The following ZNF654 variants were observed in gnomAD, a reference collection of about 807,000 sequenced individuals.
ZNF654 encodes zinc finger protein 654, also known as melanoma-associated antigen.
A neutral mutation model predicts 95.3 loss-of-function variants in ZNF654; 19 were observed. That is an observed-to-expected ratio of 0.20 (90% CI 0.14 to 0.29). The LOEUF (loss-of-function observed/expected upper bound fraction) is 0.29, where lower values mean the gene tolerates loss of function less well. ZNF654 is among the 10% of genes least tolerant of loss of function. The pLI is 1.00. For synonymous variants in ZNF654, 413 were observed against 457.9 expected (o/e 0.90, Z 1.25); for missense variants, 1,046 against 1,341.0 (o/e 0.78, Z 3.44).
At chr3:88,084,087 T>G (rs1414586042) in intron 1 of ZNF654, among the ~76,000 whole-genome samples, 2 of 152,192 alleles carry the variant, frequency 1.3e-5, no homozygotes, top group Non-Finnish European at 2.9e-5. Context: ...TATGTCCCTT[T>G]CAGGGTATTG....
At chr3:88,106,801 A>G (rs1704768478) in intron 2 of ZNF654, among the ~76,000 whole-genome samples, 1 of 152,158 alleles carries the variant, frequency 6.6e-6, no homozygotes, top group Non-Finnish European at 1.5e-5. Flanking sequence ...ACCAAGTTAT[A>G]TGAGGATTTT....
In ZNF654 at chr3:88,106,540, G is replaced by A. The variant is rs191468074; in HGVS notation, c.333-6575G>A. ...TTTTTGTAGAGACAAGGTTTCGTTC[G>A]CCATGTTGGCCAGGCTGGTCTCAAA... is the stretch of plus-strand genomic sequence containing the variant. On this transcript the variant is annotated intron_variant, in intron 2 of 8. Coordinates refer to ENST00000636215, the MANE Select transcript of ZNF654 (RefSeq NM_001350134.2). 3.9e-5 allele frequency among the ~76,000 whole-genome samples: 6 copies of A among 152,034 alleles called. No individual in the cohort carries two copies. The East Asian group carries it at 7.8e-4, about 20-fold the overall frequency.
intron 2 of ZNF654, among the ~76,000 whole-genome samples, chr3:88,086,910 G>C (rs1014008845): frequency 6.6e-6 from 1 of 151,890 alleles, no homozygotes; most frequent in Non-Finnish European, 1.5e-5. Context: ...AGCCTCCCAA[G>C]TAGCTGGGAC....
intron 7 of ZNF654, among the ~76,000 whole-genome samples, chr3:88,135,947 A>G (rs1370902366): frequency 6.6e-6 from 1 of 152,122 alleles, no homozygotes; most frequent in African/African-American, 2.4e-5. Flanking sequence ...TTATGTATTT[A>G]TGCATTTATT....
intron 2 of ZNF654, among the ~76,000 whole-genome samples, chr3:88,094,074 C>A (rs1703906963): frequency 6.7e-6 from 1 of 150,204 alleles, no homozygotes; most frequent in Admixed American, 6.7e-5. Flanking sequence ...CGTTCTATTT[C>A]TTTGTCTTCT....
rs1467647432 is a variant in ZNF654, at chr3:88,078,434, A to T, written c.187-7823A>T. The stretch of plus-strand genomic sequence containing the variant: ...TTTAAATAAGTTTAAATCTCATCCC[A>T]GGATACTGGGGTAGGGGGTGGGACA... On this transcript the variant is annotated intron_variant, in intron 1 of 8. Coordinates refer to ENST00000636215, the MANE Select transcript of ZNF654 (RefSeq NM_001350134.2). 2.6e-5 allele frequency among the ~76,000 whole-genome samples: 4 copies of T among 152,270 alleles called. No homozygotes were observed. In the East Asian group the frequency reaches 7.7e-4, roughly 29 times the overall value.
chr3:88,102,029 T>G (rs747813400), intron 2 of ZNF654, among the ~76,000 whole-genome samples: 2 of 152,198 alleles, frequency 1.3e-5, no homozygotes, highest in Admixed American at 6.6e-5. Flanking sequence ...CTAAGAATTC[T>G]TTATGTATTC....
intron 7 of ZNF654, among the ~76,000 whole-genome samples, chr3:88,137,773 C>T (rs1706886506): frequency 6.6e-6 from 1 of 152,008 alleles, no homozygotes; most frequent in African/African-American, 2.4e-5. Flanking sequence ...TAAAGTCTGC[C>T]TGTGGGAACT....
intron 2 of ZNF654, 61 bp from the exon 3 acceptor site, chr3:88,113,054 A>T (rs1372183924): frequency 8.5e-7 from 1 of 1,181,984 alleles, no homozygotes; most frequent in African/African-American, 1.6e-5. Context: ...ACTGTTTGAT[A>T]ATCTTTTAAT....
At chr3:88,132,839 T>C (rs1706546170) in intron 6 of ZNF654, among the ~76,000 whole-genome samples, 1 of 152,184 alleles carries the variant, frequency 6.6e-6, no homozygotes, top group South Asian at 2.1e-4. Context: ...GTCATACAGC[T>C]AGTAAGAAAT....
At chr3:88,099,538 A>G (rs1704276958) in intron 2 of ZNF654, among the ~76,000 whole-genome samples, 1 of 128,856 alleles carries the variant, frequency 7.8e-6, no homozygotes, top group Admixed American at 8.6e-5. Context: ...AAGCCAAAGA[A>G]CAAAGCTGGA....
chr3:88,129,694 T>C lies in ZNF654; in HGVS notation c.761T>C (p.Leu254Ser), dbSNP rs1576338604. Reference sequence around the variant, plus strand: ...TCTCTTTTCCTCTTACAGCATTTATTGAAAACTGATTGTAAGAGTGGAATT... The same window carrying C: ...TCTCTTTTCCTCTTACAGCATTTATCGAAAACTGATTGTAAGAGTGGAATT... ...VEDQLFREHL[L>S]KTDCKSGIDI... Residue 254 changes from leucine to serine, a missense_variant, in exon 6 of 9, where the codon TTG becomes TCG. Physicochemically the swap from Leu to Ser is moderately radical, Grantham distance 145. Around this residue, in one of 9 missense-constraint regions of ZNF654, gnomAD observed 121 missense variants for 141.7 expected, o/e 0.85. Coordinates refer to ENST00000636215, the MANE Select transcript of ZNF654 (RefSeq NM_001350134.2). 2 of 1,487,646 alleles carry C rather than the reference T, an allele frequency of 1.3e-6. No individual in the cohort carries two copies. The highest frequency in any genetic ancestry group is 5.0e-5 in the East Asian group (2 of 40,350). The allele number at this position is 1,487,646 out of a possible 1,614,324, so 92.2% of individuals were successfully genotyped here. A position where few individuals can be genotyped will look rare whatever the true frequency, so the allele number is the denominator to read the frequency against.
intron 1 of ZNF654, among the ~76,000 whole-genome samples, chr3:88,078,125 TTGTTAAACTAGTTAG>T (rs1707910555): frequency 6.6e-6 from 1 of 152,218 alleles, no homozygotes; most frequent in Admixed American, 6.5e-5. Flanking sequence ...ACTGATTTCT[TTGTTAAACTAGTTAG>T]TAGGGTTTTG....
At position 88,139,506 on chromosome 3, in the gene ZNF654, G is replaced by A. The variant is rs1343651816; in HGVS notation, c.1837G>A (p.Val613Ile). ...IAAAQQDDQEVTALEEINCSS... is the reference protein window; with the variant it reads ...IAAAQQDDQEITALEEINCSS... The stretch of plus-strand genomic sequence containing the variant: ...TGCAGCTCAACAGGATGATCAGGAA[G>A]TCACTGCTTTGGAAGAAATAAATTG... Residue 613 changes from valine (V) to isoleucine (I), a missense_variant, in exon 8 of 9, where the codon GTC (valine) becomes ATC (isoleucine). By Grantham distance (29) the Val-to-Ile change is conservative. Around this residue, in one of 9 missense-constraint regions of ZNF654, gnomAD observed 495 missense variants for 537.0 expected, o/e 0.92. Transcript: ENST00000636215. The A allele has an allele frequency of 3.7e-6, 6 of 1,613,542 alleles. No homozygotes were observed. Among genetic ancestry groups the A allele is most frequent in the Admixed American group, 1.7e-5 (1 of 59,956 alleles).
chr3:88,060,749 A>G (rs1276742839), intron 1 of ZNF654, among the ~76,000 whole-genome samples: 1 of 152,208 alleles, frequency 6.6e-6, no homozygotes, highest in Middle Eastern at 3.4e-3. Flanking sequence ...GTTTGCTGAC[A>G]TTTCTTTCAA....
chr3:88,062,700 G>A (rs1420797975), intron 1 of ZNF654, among the ~76,000 whole-genome samples: 1 of 152,104 alleles, frequency 6.6e-6, no homozygotes, highest in Non-Finnish European at 1.5e-5. Flanking sequence ...AGGATTTCTG[G>A]AACCACTTTG....
At chr3:88,078,231 T>A (rs997178431) in intron 1 of ZNF654, among the ~76,000 whole-genome samples, 12 of 152,200 alleles carry the variant, frequency 7.9e-5, no homozygotes, top group African/African-American at 2.2e-4. Context: ...GTTCATTATC[T>A]TCTATTAAAT....
In ZNF654 at chr3:88,142,548, T is replaced by C. The variant is rs1049468378; in HGVS notation, c.*896T>C. ...ACTGGGATACTTCTGTTTGTGTATA[T>C]GTTGGGACATTGCTTGATGATTCAT... On this transcript the variant is annotated 3_prime_UTR_variant, in exon 9 of 9. Transcript: ENST00000636215. The C allele has an allele frequency of 2.6e-5, 4 of 152,020 alleles. No individual in the cohort carries two copies. The highest frequency in any genetic ancestry group is 9.7e-5 in the African/African-American group (4 of 41,108). The allele number at this position is 152,020 out of a possible 1,614,324, so 9.4% of individuals were successfully genotyped here. A position where few individuals can be genotyped will look rare whatever the true frequency, so the allele number is the denominator to read the frequency against.
In ZNF654 at chr3:88,141,099, A is replaced by C. The variant is rs568023384; in HGVS notation, c.3379+51A>C. 2.0e-6 allele frequency: 3 copies of C among 1,524,774 alleles called. No individual in the cohort carries two copies. The East Asian group carries it at 6.8e-5, about 34-fold the overall frequency. The allele number at this position is 1,524,774 out of a possible 1,614,324, so 94.5% of individuals were successfully genotyped here. A position where few individuals can be genotyped will look rare whatever the true frequency, so the allele number is the denominator to read the frequency against. On this transcript the variant is annotated intron_variant, in intron 8 of 8. Transcript: ENST00000636215. ...GGTATCTGTAGAAAGAGAAAATGGC[A>C]TAAATAAAACTATTATAGATCTTTG...
Sources: allele counts gnomAD v4.1 joint callset (sites outside exome capture counted in the v4.1 genomes callset), GRCh38; gene constraint gnomAD v4.1.1; regional missense constraint gnomAD v4.1.1; transcripts MANE v1.5; gene names NCBI Gene and HGNC (gene_info 2026-07-23, HGNC 2026-07-21).